The following RNMT variants were observed in gnomAD, a reference collection of about 807,000 sequenced individuals.
RNMT encodes the protein mRNA cap guanine-N(7) methyltransferase.
In RNMT, 27 loss-of-function variants were observed where a neutral mutation model predicts 56.0. That is an observed-to-expected ratio of 0.48 (90% CI 0.36 to 0.67). The LOEUF (loss-of-function observed/expected upper bound fraction) is 0.67. RNMT is among the 30% of genes least tolerant of loss of function. RNMT has a pLI of 0.00. For synonymous variants in RNMT, 184 were observed against 176.2 expected (o/e 1.04, Z -0.35); for missense variants, 519 against 552.1 (o/e 0.94, Z 0.60).
Position 13,734,483 on chromosome 18 carries a change from G to A in RNMT, c.437G>A (p.Ser146Asn). Residue 146 changes from serine (S) to asparagine (N), a missense_variant, in exon 4 of 12, where the codon AGC (serine) becomes AAC (asparagine). Ser to Asn is a conservative substitution (Grantham distance 46). Transcript: ENST00000383314. ...TTTCAGAATCTGGAAGAAGGACACA[G>A]CTCAACAGTGGCTGCCCATTACAAT... ...EKQKNLEEGHSSTVAAHYNEL... is the reference protein window; with the variant it reads ...EKQKNLEEGHNSTVAAHYNEL... The A allele has an allele frequency of 1.2e-6, 2 of 1,612,462 alleles. No homozygotes were observed. Among genetic ancestry groups the A allele is most frequent in the Non-Finnish European group, 1.7e-6 (2 of 1,179,448 alleles).
At chr18:13,734,065 T>G (rs1454953321) in intron 3 of RNMT, among the ~76,000 whole-genome samples, 1 of 152,184 alleles carries the variant, frequency 6.6e-6, no homozygotes, top group Non-Finnish European at 1.5e-5. Flanking sequence ...TGAATAAGTC[T>G]CACGAGATCT....
chr18:13,740,626 C>T (rs1193914447), intron 6 of RNMT, among the ~76,000 whole-genome samples: 13 of 152,190 alleles, frequency 8.5e-5, no homozygotes, highest in Admixed American at 6.5e-4. Context: ...GATCTGCCTG[C>T]CTCCCATAGT....
intron 7 of RNMT, 21 bp from the exon 8 acceptor site, chr18:13,742,467 G>T: frequency 6.2e-7 from 1 of 1,607,300 alleles, no homozygotes; most frequent in Admixed American, 1.7e-5. Flanking sequence ...TTTTATTTTG[G>T]TTGGGGGATA....
At position 13,730,617 on chromosome 18, in the gene RNMT, T is replaced by A. The variant is rs1416524391; in HGVS notation, c.-171-10T>A. The A allele has an allele frequency of 6.6e-6, 1 of 152,232 alleles. No individual in the cohort carries two copies. The highest frequency in any genetic ancestry group is 1.5e-5 in the Non-Finnish European group (1 of 68,032). The allele number at this position is 152,232 out of a possible 1,614,324, so 9.4% of individuals were successfully genotyped here. On this transcript the variant is annotated splice_polypyrimidine_tract_variant and intron_variant, in intron 1 of 11. Transcript: ENST00000383314. ...TTTATTCTTGATTAATCACAATCCC[T>A]TACTAACAGGATGTGTGAACCTATT...
At chr18:13,744,235 A>C (rs1180761420) in intron 8 of RNMT, among the ~76,000 whole-genome samples, 1 of 138,104 alleles carries the variant, frequency 7.2e-6, no homozygotes, top group Non-Finnish European at 1.5e-5. Flanking sequence ...TTTAATATCT[A>C]ATTTTTTAAA....
At chr18:13,728,237 T>TTTGTGTTTTTGGTAGAG (rs2043997770) in intron 1 of RNMT, among the ~76,000 whole-genome samples, 1 of 152,010 alleles carries the variant, frequency 6.6e-6, no homozygotes, top group African/African-American at 2.4e-5. Context: ...TGTGCTAATT[T>TTTGTGTTTTTGGTAGAG]ACGTTCTCCC....
At chr18:13,758,863 G>C (rs1286491902) in intron 11 of RNMT, among the ~76,000 whole-genome samples, 1 of 152,016 alleles carries the variant, frequency 6.6e-6, no homozygotes, top group Non-Finnish European at 1.5e-5. Context: ...CCTTTCACTT[G>C]AACATGTGGA....
chr18:13,745,943 A>T (rs553860782), intron 8 of RNMT, among the ~76,000 whole-genome samples: 2 of 152,196 alleles, frequency 1.3e-5, no homozygotes, highest in African/African-American at 4.8e-5. Context: ...AGTTTCCTAC[A>T]CTTTTTCCGC....
In RNMT at chr18:13,760,112, A is replaced by T; in HGVS notation, c.*133A>T. On this transcript the variant is annotated 3_prime_UTR_variant, in exon 12 of 12. Coordinates refer to ENST00000383314, the MANE Select transcript of RNMT (RefSeq NM_003799.3). ...GTGCAGGATGCTGCCAGAAACTCCAATGTAGAAATTCAACATTTGCTGTCT... is the reference window on the plus strand; with the variant it reads ...GTGCAGGATGCTGCCAGAAACTCCATTGTAGAAATTCAACATTTGCTGTCT... 5 of 1,406,018 alleles carry T rather than the reference A, an allele frequency of 3.6e-6. No homozygotes were observed. The highest frequency in any genetic ancestry group is 4.7e-6 in the Non-Finnish European group (5 of 1,074,990). 87.1% of individuals were successfully genotyped at this position (1,406,018 alleles called of 1,614,324 possible). A position where few individuals can be genotyped will look rare whatever the true frequency, so the allele number is the denominator to read the frequency against.
intron 8 of RNMT, among the ~76,000 whole-genome samples, chr18:13,744,156 C>CTTTTTTTTTTTTTTTTTTT (rs1555794897): frequency 1.5e-4 from 4 of 25,952 alleles, no homozygotes; most frequent in African/African-American, 6.0e-4. Context: ...ACCTAGCGGT[C>CTTTTTTTTTTTTTTTTTTT]TTCTTTTTTT....
At position 13,734,372 on chromosome 18, in the gene RNMT, T is replaced by C. The variant is rs2044124647; in HGVS notation, c.418-92T>C. The C allele has an allele frequency of 3.5e-6, 4 of 1,127,124 alleles. No individual in the cohort carries two copies. In the Middle Eastern group the frequency reaches 6.3e-4, roughly 178 times the overall value. 69.8% of individuals were successfully genotyped at this position (1,127,124 alleles called of 1,614,324 possible). ...GTTTAGTGAAGTTTACCAATTCTAA[T>C]AGCATTTTATCCATTCACAGGTCAA... On this transcript the variant is annotated intron_variant, in intron 3 of 11. Coordinates refer to ENST00000383314, the MANE Select transcript of RNMT (RefSeq NM_003799.3).
rs547816371 is a variant in RNMT, at chr18:13,761,170, G to A, written c.*1191G>A. ...TAGTGTGCATCTATTAACTGTTCAT[G>A]GTGTTAGAGTTGCAAACTTTTTAGC... is the stretch of plus-strand genomic sequence containing the variant. On this transcript the variant is annotated 3_prime_UTR_variant, in exon 12 of 12. Transcript: ENST00000383314. The A allele has an allele frequency of 3.0e-5, 30 of 985,388 alleles. No homozygotes were observed. In the African/African-American group the frequency reaches 5.1e-4, roughly 17 times the overall value. 61.0% of individuals were successfully genotyped at this position (985,388 alleles called of 1,614,324 possible). A position where few individuals can be genotyped will look rare whatever the true frequency, so the allele number is the denominator to read the frequency against.
chr18:13,736,012 T>C (rs556687245), intron 4 of RNMT, among the ~76,000 whole-genome samples: 3 of 152,246 alleles, frequency 2.0e-5, no homozygotes, highest in Admixed American at 6.5e-5. Context: ...TTCTTGAATG[T>C]GATAAAGGCT....
chr18:13,751,782 G>A (rs562645612), intron 9 of RNMT, among the ~76,000 whole-genome samples: 1 of 152,304 alleles, frequency 6.6e-6, no homozygotes, highest in South Asian at 2.1e-4. Flanking sequence ...GGAATACTAT[G>A]CAGCCATATA....
In RNMT at chr18:13,731,673, A is replaced by G. The variant is rs758784280; in HGVS notation, c.156A>G (p.Gln52=). ...GLSEKTSVCR[Q]VDIARKRKEF... ...CTGAAAAGACTTCTGTCTGTAGGCA[A>G]GTAGACATAGCAAGAAAGAGAAAAG... Residue 52 remains glutamine, a synonymous_variant, in exon 3 of 12, where the codon CAA becomes CAG. Transcript: ENST00000383314. 3.1e-6 allele frequency: 5 copies of G among 1,614,140 alleles called. No individual in the cohort carries two copies. The highest frequency in any genetic ancestry group is 1.1e-5 in the South Asian group (1 of 91,080).
chr18:13,744,180 T>TTTTTTTTTTTTTTTTTTTA (rs2044310931), intron 8 of RNMT, among the ~76,000 whole-genome samples: 1 of 142,098 alleles, frequency 7.0e-6, no homozygotes, highest in Non-Finnish European at 1.5e-5. Flanking sequence ...TTTTTTTTTT[T>TTTTTTTTTTTTTTTTTTTA]TTTTTGACTT....
At chr18:13,732,547 A>G (rs1444322501) in intron 3 of RNMT, among the ~76,000 whole-genome samples, 1 of 152,184 alleles carries the variant, frequency 6.6e-6, no homozygotes, top group Non-Finnish European at 1.5e-5. Flanking sequence ...TTTAGCAAAG[A>G]TATTATAGGG....
At chr18:13,752,257 AT>A in intron 9 of RNMT, 68 bp from the exon 10 acceptor site, 1 of 902,828 alleles carries the variant, frequency 1.1e-6, no homozygotes, top group South Asian at 1.4e-5. Context: ...TATTTCAGTG[AT>A]TTAGCATGTT....
At position 13,744,159 on chromosome 18, in the gene RNMT, C is replaced by CTTTTTTTTTTTTTTTTT. The variant is rs201093998; in HGVS notation, c.1139+1517_1139+1533dup. On this transcript the variant is annotated intron_variant, in intron 8 of 11. Transcript: ENST00000383314. ...ATGCTAAACAAGACCTAGCGGTCTT[C>CTTTTTTTTTTTTTTTTT]TTTTTTTTTTTTTTTTTTTTTTTTT... Among the ~76,000 whole-genome samples, 219 of 91,362 alleles carry CTTTTTTTTTTTTTTTTT rather than the reference C, an allele frequency of 2.4e-3. 35 individuals carry two copies. Among genetic ancestry groups the CTTTTTTTTTTTTTTTTT allele is most frequent in the African/African-American group, 3.3e-3 (62 of 18,902 alleles). The allele number at this position is 91,362 out of a possible 152,430, so 59.9% of individuals were successfully genotyped here. A position where few individuals can be genotyped will look rare whatever the true frequency, so the allele number is the denominator to read the frequency against.
Sources: allele counts gnomAD v4.1 joint callset (sites outside exome capture counted in the v4.1 genomes callset), GRCh38; gene constraint gnomAD v4.1.1; transcripts MANE v1.5; gene names NCBI Gene and HGNC (gene_info 2026-07-23, HGNC 2026-07-21).